Variants in ATP8B1 observed in about 807,000 individuals in gnomAD.
ATP8B1 encodes ATPase phospholipid transporting 8B1.
ATP8B1 carries 80 observed loss-of-function variants against 149.9 expected under a neutral mutation model. That is an observed-to-expected ratio of 0.53 (90% CI 0.45 to 0.64). The LOEUF is 0.64. Ranked by LOEUF, ATP8B1 falls within the 30% of genes least tolerant of loss-of-function variation. ATP8B1 has a pLI of 0.00. For missense variants in ATP8B1, 1,247 were observed against 1,552.6 expected (o/e 0.80, Z 3.31); for synonymous variants, 536 against 562.8 (o/e 0.95, Z 0.67).
At chr18:57,702,772 G>A (rs1193360485) in intron 4 of ATP8B1, among the ~76,000 whole-genome samples, 2 of 151,388 alleles carry the variant, frequency 1.3e-5, no homozygotes, top group Admixed American at 1.3e-4. Context: ...CAGGAGAATA[G>A]CTTGAACCTG....
At chr18:57,752,341 A>G (rs1159910548) in intron 1 of ATP8B1, among the ~76,000 whole-genome samples, 1 of 152,082 alleles carries the variant, frequency 6.6e-6, no homozygotes. Context: ...CTGAGGTTAG[A>G]CAGATAGGGG....
At chr18:57,732,253 G>T (rs2079787024) in intron 1 of ATP8B1, among the ~76,000 whole-genome samples, 1 of 18,084 alleles carries the variant, frequency 5.5e-5, no homozygotes. Flanking sequence ...ATGTATATAT[G>T]TATATATGTG....
At chr18:57,692,347 G>C (rs2122873873) in intron 11 of ATP8B1, among the ~76,000 whole-genome samples, 1 of 148,320 alleles carries the variant, frequency 6.7e-6, no homozygotes, top group East Asian at 2.0e-4. Context: ...GTTTGGGGAA[G>C]ATATCTTACT....
chr18:57,735,228 C>T (rs1040355892), intron 1 of ATP8B1: 38 of 170,826 alleles, frequency 2.2e-4, no homozygotes, highest in African/African-American at 8.6e-4. Flanking sequence ...GTCGCAGACC[C>T]GCCGCTGACT....
chr18:57,725,800 A>G (rs1384359277), intron 2 of ATP8B1, among the ~76,000 whole-genome samples: 1 of 152,246 alleles, frequency 6.6e-6, no homozygotes, highest in Non-Finnish European at 1.5e-5. Context: ...TCTTCAATAA[A>G]TGATGCAAGG....
rs111837936 is a variant in ATP8B1, at chr18:57,688,250, C to T, written c.1429+49G>A. ...TATAGTCCAAGTAATGACCTGCACACGGCAGGCAGCCCCACTCACCCAGAA... is the reference window on the plus strand; with the variant it reads ...TATAGTCCAAGTAATGACCTGCACATGGCAGGCAGCCCCACTCACCCAGAA... On this transcript the variant is annotated intron_variant, in intron 13 of 27. Coordinates refer to ENST00000648908, the MANE Select transcript of ATP8B1 (RefSeq NM_001374385.1). 6,524 of 1,570,360 alleles carry T rather than the reference C, an allele frequency of 4.2e-3. 207 individuals carry two copies. In the African/African-American group the frequency reaches 0.074, roughly 18 times the overall value.
intron 15 of ATP8B1, among the ~76,000 whole-genome samples, chr18:57,680,273 G>T: frequency 3.0e-5 from 1 of 33,312 alleles, no homozygotes; most frequent in South Asian, 1.7e-3. Context: ...GCGAGACTCA[G>T]TCTCAAAAAA....
rs1186081735 is a variant in ATP8B1 at position 57,666,955 on chromosome 18, C to T, written c.2285+137G>A. ...TTGGAACTGCCTGTTGTTGTCTTGC[C>T]TCATTTAAACATGAGGAAACTGCCC... On this transcript the variant is annotated intron_variant, in intron 20 of 27. Transcript: ENST00000648908. The T allele has an allele frequency of 3.9e-6, 3 of 774,468 alleles. No individual in the cohort carries two copies. The East Asian group carries it at 8.1e-5, about 21-fold the overall frequency. The allele number at this position is 774,468 out of a possible 1,614,324, so 48.0% of individuals were successfully genotyped here. A position where few individuals can be genotyped will look rare whatever the true frequency, so the allele number is the denominator to read the frequency against.
rs114651248 is a variant in ATP8B1 at position 57,717,152 on chromosome 18, C to A, written c.182-10565G>T. On this transcript the variant is annotated intron_variant, in intron 2 of 27. Transcript: ENST00000648908. ...ATAATGGAAACATGATAAACCAAAA[C>A]CTGTGGGACACAGTGAAAGCAGTAC... Among the ~76,000 whole-genome samples the A allele has an allele frequency of 4.7e-3, 721 of 152,176 alleles. 11 individuals carry two copies. The highest frequency in any genetic ancestry group is 0.016 in the African/African-American group (653 of 41,532).
intron 1 of ATP8B1, among the ~76,000 whole-genome samples, chr18:57,780,791 G>T (rs1302379020): frequency 6.6e-6 from 1 of 152,204 alleles, no homozygotes; most frequent in Non-Finnish European, 1.5e-5. Flanking sequence ...ACAGAAGGAA[G>T]CTGTGGTTTC....
rs142540589 is a variant in ATP8B1 at position 57,676,543 on chromosome 18, C to T, written c.1631-1521G>A. On this transcript the variant is annotated intron_variant, in intron 15 of 27. Coordinates refer to ENST00000648908, the MANE Select transcript of ATP8B1 (RefSeq NM_001374385.1). ...GACCATCCTGGCTAACACAGTGAAA[C>T]TCTGTCTCTACTAAAAACACAGAAA... is the stretch of plus-strand genomic sequence containing the variant. 6.6e-3 allele frequency among the ~76,000 whole-genome samples: 1,000 copies of T among 151,572 alleles called. 8 individuals carry two copies. Among genetic ancestry groups the T allele is most frequent in the African/African-American group, 0.021 (889 of 41,386 alleles).
At chr18:57,764,780 A>T (rs1040746658) in intron 1 of ATP8B1, among the ~76,000 whole-genome samples, 1 of 131,830 alleles carries the variant, frequency 7.6e-6, no homozygotes, top group African/African-American at 2.8e-5. Context: ...AAAAAAAAAA[A>T]CAGAAAATAA....
At chr18:57,755,841 A>T (rs2080071914) in intron 1 of ATP8B1, among the ~76,000 whole-genome samples, 1 of 152,158 alleles carries the variant, frequency 6.6e-6, no homozygotes, top group Admixed American at 6.5e-5. Flanking sequence ...CCCAGCCATA[A>T]CATAATTAAC....
intron 1 of ATP8B1, among the ~76,000 whole-genome samples, chr18:57,741,191 C>G (rs1225148582): frequency 6.6e-6 from 1 of 152,194 alleles, no homozygotes; most frequent in African/African-American, 2.4e-5. Flanking sequence ...CCACCTTGGC[C>G]TCCCCAAGTG....
At position 57,655,209 on chromosome 18, in the gene ATP8B1, A is replaced by G. The variant is rs763526583; in HGVS notation, c.2916T>C (p.Asn972=). The G allele has an allele frequency of 2.5e-6, 4 of 1,610,592 alleles. No homozygotes were observed. In the East Asian group the frequency reaches 6.7e-5, roughly 27 times the overall value. ...TLVHFWYSFF[N]GYSAQTAYED... ...ATTACATTACCTGCGCAGAGTAGCC[A>G]TTGAAGAAGGAGTACCAGAAATGAA... The change falls in exon 23 of 28, where the codon AAT becomes AAC. Residue 972 remains asparagine (N), a synonymous_variant. Transcript: ENST00000648908.
intron 1 of ATP8B1, among the ~76,000 whole-genome samples, chr18:57,756,185 T>G (rs2080075674): frequency 7.8e-6 from 1 of 128,630 alleles, no homozygotes; most frequent in African/African-American, 3.2e-5. Context: ...CTGAAACATT[T>G]CCACAACATA....
Position 57,662,463 on chromosome 18 carries a change from G to T in ATP8B1, c.2418+20C>A. On this transcript the variant is annotated intron_variant, in intron 21 of 27. Transcript: ENST00000648908. ...TTCTTTCTTTTGAGTTAAAGGCACA[G>T]ATACACTAATGATACGTACCAACCA... is the stretch of plus-strand genomic sequence containing the variant. 1 of 1,613,912 alleles carries T rather than the reference G, an allele frequency of 6.2e-7. No individual in the cohort carries two copies. The highest frequency in any genetic ancestry group is 8.5e-7 in the Non-Finnish European group (1 of 1,179,830).
chr18:57,755,071 A>G (rs144185403), intron 1 of ATP8B1, among the ~76,000 whole-genome samples: 65 of 152,352 alleles, frequency 4.3e-4, no homozygotes, highest in African/African-American at 1.4e-3. Context: ...TTGTCTTTAC[A>G]TCTGACACCT....
chr18:57,798,703 C>A (rs6566902), intron 1 of ATP8B1, among the ~76,000 whole-genome samples: 1 of 152,118 alleles, frequency 6.6e-6, no homozygotes, highest in African/African-American at 2.4e-5. Flanking sequence ...GAGCATTCCA[C>A]GGGCTTCTAC....
Sources: gnomAD v4.1 joint callset for allele counts (sites outside exome capture counted in the v4.1 genomes callset) on GRCh38, gnomAD v4.1.1 for gene constraint, MANE v1.5 for transcripts, NCBI Gene and HGNC (gene_info 2026-07-23, HGNC 2026-07-21) for gene names.